Variants in TIGD1 observed in about 807,000 individuals in gnomAD.
TIGD1 encodes tigger transposable element derived 1, also known as tigger transposable element-derived protein 1.
A neutral mutation model predicts 21.3 loss-of-function variants in TIGD1; 20 were observed. The ratio of observed to expected loss-of-function variants is 0.94; its 90% CI spans 0.66 to 1.36. The LOEUF is 1.36. Ranked by LOEUF, TIGD1 falls within the 40% of genes most tolerant of loss-of-function variation. TIGD1 has a pLI of 0.00. For missense variants in TIGD1, 556 were observed against 350.5 expected (o/e 1.59, Z -4.68); for synonymous variants, 177 against 123.2 (o/e 1.44, Z -2.89).
rs1436519407 is a variant in TIGD1, at chr2:232,545,435, C to T, written c.*2672G>A. 3 of 1,027,568 alleles carry T rather than the reference C, an allele frequency of 2.9e-6. No homozygotes were observed. The African/African-American group carries it at 4.7e-5, about 16-fold the overall frequency. 63.7% of individuals were successfully genotyped at this position (1,027,568 alleles called of 1,614,324 possible). A position where few individuals can be genotyped will look rare whatever the true frequency, so the allele number is the denominator to read the frequency against. ...GGGACCCGGACATAGGTAAGAAGGG[C>T]CCCAGGAAATGGAGACATGGGCCTG... On this transcript the variant is annotated 3_prime_UTR_variant, in exon 1 of 1. Transcript: ENST00000408957.
At position 232,550,454 on chromosome 2, in the gene TIGD1, G is replaced by A. The variant is rs1174728797; in HGVS notation, c.-572C>T. On this transcript the variant is annotated 5_prime_UTR_variant, in exon 1 of 1. Coordinates refer to ENST00000408957, the MANE Select transcript of TIGD1 (RefSeq NM_145702.4). ...CTTTTTTCCGAGCCGCTGCGGGAGG[G>A]GGCCAGGACACGCTCCCTTAGGAGA... 2.0e-6 allele frequency: 1 copy of A among 499,710 alleles called. No homozygotes were observed. Among genetic ancestry groups the A allele is most frequent in the Non-Finnish European group, 3.6e-6 (1 of 277,066 alleles). The allele number at this position is 499,710 out of a possible 1,614,324, so 31.0% of individuals were successfully genotyped here. A position where few individuals can be genotyped will look rare whatever the true frequency, so the allele number is the denominator to read the frequency against.
In TIGD1 at chr2:232,544,459, T is replaced by C. The variant is rs143840391; in HGVS notation, c.*3648A>G. On this transcript the variant is annotated 3_prime_UTR_variant, in exon 1 of 1. Transcript: ENST00000408957. The stretch of plus-strand genomic sequence containing the variant: ...AGGACACCCAGTCCCGGCTACAGAA[T>C]GGCTCCTCGGGATGGTCGATCACAA... 9.5e-5 allele frequency: 153 copies of C among 1,613,626 alleles called. No homozygotes were observed. The highest frequency in any genetic ancestry group is 1.7e-4 in the Admixed American group (10 of 60,006).
At position 232,546,308 on chromosome 2, in the gene TIGD1, C is replaced by CTTTT. The variant is rs57021172; in HGVS notation, c.*1795_*1798dup. On this transcript the variant is annotated 3_prime_UTR_variant, in exon 1 of 1. Transcript: ENST00000408957. The stretch of plus-strand genomic sequence containing the variant: ...ACGATTTCCTGAGTTTTGTAATCCT[C>CTTTT]TTTTTTTTTTTTTTTTTTTTAGTTT... 4,277 of 94,444 alleles carry CTTTT rather than the reference C, an allele frequency of 0.045. 174 individuals are homozygous for CTTTT. The highest frequency in any genetic ancestry group is 0.12 in the African/African-American group (3,233 of 25,874). The allele number at this position is 94,444 out of a possible 1,614,324, so 5.9% of individuals were successfully genotyped here.
rs1423955802 is a variant in TIGD1, at chr2:232,544,602, T to G, written c.*3505A>C. On this transcript the variant is annotated 3_prime_UTR_variant, in exon 1 of 1. Coordinates refer to ENST00000408957, the MANE Select transcript of TIGD1 (RefSeq NM_145702.4). ...CTAGGTGAGACACACCAGGTGTGCCTGGGGACAGTCCTCCCCTGGGACCCC... is the reference window on the plus strand; with the variant it reads ...CTAGGTGAGACACACCAGGTGTGCCGGGGGACAGTCCTCCCCTGGGACCCC... 1 of 1,600,320 alleles carries G rather than the reference T, an allele frequency of 6.2e-7. No homozygotes were observed. The highest frequency in any genetic ancestry group is 8.6e-7 in the Non-Finnish European group (1 of 1,168,724).
chr2:232,544,583 G>A lies in TIGD1; in HGVS notation c.*3524C>T. 1 of 1,611,376 alleles carries A rather than the reference G, an allele frequency of 6.2e-7. No individual in the cohort carries two copies. The highest frequency in any genetic ancestry group is 8.5e-7 in the Non-Finnish European group (1 of 1,178,372). On this transcript the variant is annotated 3_prime_UTR_variant, in exon 1 of 1. Transcript: ENST00000408957. ...GGCGGCAGCGCTGGAGAAGCTAGGT[G>A]AGACACACCAGGTGTGCCTGGGGAC...
chr2:232,549,999 A>C lies in TIGD1; in HGVS notation c.-117T>G. The C allele has an allele frequency of 1.7e-6, 1 of 576,490 alleles. No homozygotes were observed. The allele number at this position is 576,490 out of a possible 1,614,324, so 35.7% of individuals were successfully genotyped here. On this transcript the variant is annotated 5_prime_UTR_variant, in exon 1 of 1. Coordinates refer to ENST00000408957, the MANE Select transcript of TIGD1 (RefSeq NM_145702.4). ...TGGGTGGAGCGGTCAGAACACACAC[A>C]ACATTAAGTTCCACGTCTTATAAAA...
rs1345147414 is a variant in TIGD1 at position 232,545,814 on chromosome 2, T to C, written c.*2293A>G. The C allele has an allele frequency of 3.7e-6, 5 of 1,365,526 alleles. No homozygotes were observed. The highest frequency in any genetic ancestry group is 2.1e-6 in the Non-Finnish European group (2 of 963,402). The allele number at this position is 1,365,526 out of a possible 1,614,324, so 84.6% of individuals were successfully genotyped here. ...CTACTGAGGTCCTAAGTGTGCTCTT[T>C]GGGAAGTGCCCTTCAGGACTGTGTG... is the stretch of plus-strand genomic sequence containing the variant. On this transcript the variant is annotated 3_prime_UTR_variant, in exon 1 of 1. Coordinates refer to ENST00000408957, the MANE Select transcript of TIGD1 (RefSeq NM_145702.4).
In TIGD1 at chr2:232,545,460, G is replaced by A; in HGVS notation, c.*2647C>T. 1 of 1,270,508 alleles carries A rather than the reference G, an allele frequency of 7.9e-7. No homozygotes were observed. The allele number at this position is 1,270,508 out of a possible 1,614,324, so 78.7% of individuals were successfully genotyped here. ...CCCCAGGAAATGGAGACATGGGCCT[G>A]CTGGAAGCCCAAGGATGAGAACAGG... On this transcript the variant is annotated 3_prime_UTR_variant, in exon 1 of 1. Transcript: ENST00000408957.
At position 232,545,229 on chromosome 2, in the gene TIGD1, C is replaced by A. The variant is rs1022079147; in HGVS notation, c.*2878G>T. Among the ~76,000 whole-genome samples the A allele has an allele frequency of 7.2e-5, 11 of 151,900 alleles. No individual in the cohort carries two copies. The highest frequency in any genetic ancestry group is 1.3e-4 in the Non-Finnish European group (9 of 67,964). On this transcript the variant is annotated 3_prime_UTR_variant, in exon 1 of 1. Coordinates refer to ENST00000408957, the MANE Select transcript of TIGD1 (RefSeq NM_145702.4). ...GGCTGAGGCAGGAGAATTGCTTGAA[C>A]CTGGGAGGCGGAGGTTGCAGTGAGC...
chr2:232,548,531 T>C lies in TIGD1; in HGVS notation c.1352A>G (p.His451Arg), dbSNP rs1347956527. The C allele has an allele frequency of 3.1e-6, 2 of 645,766 alleles. No individual in the cohort carries two copies. Among genetic ancestry groups the C allele is most frequent in the Non-Finnish European group, 5.6e-6 (2 of 358,400 alleles). The allele number at this position is 645,766 out of a possible 1,614,324, so 40.0% of individuals were successfully genotyped here. The change falls in exon 1 of 1, where the codon CAT becomes CGT. Residue 451 changes from histidine to arginine, a missense_variant. Transcript: ENST00000408957. ...CTCCTCATCTGTTAAAGTTTTATCA[T>C]GAGATTGCAGCAATTCAGTTACATC... ...PEDVTELLQS[H>R]DKTLTDEELF...
Position 232,545,559 on chromosome 2 carries a change from T to C in TIGD1, c.*2548A>G. The C allele has an allele frequency of 6.2e-7, 1 of 1,613,892 alleles. No individual in the cohort carries two copies. Among genetic ancestry groups the C allele is most frequent in the African/African-American group, 1.3e-5 (1 of 75,044 alleles). ...CACCCTCAGGGGAATGAGGAGTGGT[T>C]CCTGGTGGGCCGAGTGCTGGACCGC... On this transcript the variant is annotated 3_prime_UTR_variant, in exon 1 of 1. Coordinates refer to ENST00000408957, the MANE Select transcript of TIGD1 (RefSeq NM_145702.4).
In TIGD1 at chr2:232,546,137, G is replaced by A. The variant is rs1199460442; in HGVS notation, c.*1970C>T. 5 of 319,402 alleles carry A rather than the reference G, an allele frequency of 1.6e-5. No homozygotes were observed. The highest frequency in any genetic ancestry group is 2.5e-5 in the Non-Finnish European group (4 of 162,528). 19.8% of individuals were successfully genotyped at this position (319,402 alleles called of 1,614,324 possible). On this transcript the variant is annotated 3_prime_UTR_variant, in exon 1 of 1. Coordinates refer to ENST00000408957, the MANE Select transcript of TIGD1 (RefSeq NM_145702.4). The stretch of plus-strand genomic sequence containing the variant: ...GCAGTCACAAGAGGTGTGAAGAGTA[G>A]CAGCCGATGCTCTCTCCAAAGCAGG...
rs1692108629 is a variant in TIGD1 at position 232,545,422 on chromosome 2, T to C, written c.*2685A>G. 4 of 914,268 alleles carry C rather than the reference T, an allele frequency of 4.4e-6. No individual in the cohort carries two copies. The highest frequency in any genetic ancestry group is 1.4e-5 in the South Asian group (1 of 70,986). The allele number at this position is 914,268 out of a possible 1,614,324, so 56.6% of individuals were successfully genotyped here. A position where few individuals can be genotyped will look rare whatever the true frequency, so the allele number is the denominator to read the frequency against. On this transcript the variant is annotated 3_prime_UTR_variant, in exon 1 of 1. Transcript: ENST00000408957. ...TTAGCCACCAGTTGGGACCCGGACA[T>C]AGGTAAGAAGGGCCCCAGGAAATGG...
rs1692157764 is a variant in TIGD1, at chr2:232,547,806, G to A, written c.*301C>T. 6.6e-6 allele frequency among the ~76,000 whole-genome samples: 1 copy of A among 152,168 alleles called. No homozygotes were observed. Among genetic ancestry groups the A allele is most frequent in the Admixed American group, 6.5e-5 (1 of 15,278 alleles). ...GAAAGCCTCAGAGGGCAGAGGATTAGCTCCTTGTACACAATAAACACTCAA... is the reference window on the plus strand; with the variant it reads ...GAAAGCCTCAGAGGGCAGAGGATTAACTCCTTGTACACAATAAACACTCAA... On this transcript the variant is annotated 3_prime_UTR_variant, in exon 1 of 1. Coordinates refer to ENST00000408957, the MANE Select transcript of TIGD1 (RefSeq NM_145702.4).
In TIGD1 at chr2:232,549,998, CAACATT is replaced by C; in HGVS notation, c.-122_-117del. On this transcript the variant is annotated 5_prime_UTR_variant, in exon 1 of 1. The change abolishes an upstream ATG in the 5' untranslated region. Transcript: ENST00000408957. ...GTGGGTGGAGCGGTCAGAACACACA[CAACATT>C]AAGTTCCACGTCTTATAAAAGACGC... is the stretch of plus-strand genomic sequence containing the variant. 1.7e-6 allele frequency: 1 copy of C among 588,408 alleles called. No homozygotes were observed. Among genetic ancestry groups the C allele is most frequent in the Non-Finnish European group, 3.0e-6 (1 of 334,810 alleles). 36.4% of individuals were successfully genotyped at this position (588,408 alleles called of 1,614,324 possible). A position where few individuals can be genotyped will look rare whatever the true frequency, so the allele number is the denominator to read the frequency against.
In TIGD1 at chr2:232,550,198, A is replaced by G. The variant is rs1692251895; in HGVS notation, c.-316T>C. The stretch of plus-strand genomic sequence containing the variant: ...ATGCTGTTGGAAAAATGGCGCTGAT[A>G]CAATTGCTGGACTCAGGGCTGCCAC... On this transcript the variant is annotated 5_prime_UTR_variant, in exon 1 of 1. Transcript: ENST00000408957. The G allele has an allele frequency of 3.2e-6, 1 of 314,348 alleles. No homozygotes were observed. Among genetic ancestry groups the G allele is most frequent in the Non-Finnish European group, 6.1e-6 (1 of 163,686 alleles). 19.5% of individuals were successfully genotyped at this position (314,348 alleles called of 1,614,324 possible). A position where few individuals can be genotyped will look rare whatever the true frequency, so the allele number is the denominator to read the frequency against.
rs943178112 is a variant in TIGD1, at chr2:232,550,449, G to A, written c.-567C>T. On this transcript the variant is annotated 5_prime_UTR_variant, in exon 1 of 1. Coordinates refer to ENST00000408957, the MANE Select transcript of TIGD1 (RefSeq NM_145702.4). The stretch of plus-strand genomic sequence containing the variant: ...GCTGCCTTTTTTCCGAGCCGCTGCG[G>A]GAGGGGGCCAGGACACGCTCCCTTA... 22 of 496,420 alleles carry A rather than the reference G, an allele frequency of 4.4e-5. No homozygotes were observed. The highest frequency in any genetic ancestry group is 4.1e-4 in the African/African-American group (20 of 48,946). 30.8% of individuals were successfully genotyped at this position (496,420 alleles called of 1,614,324 possible).
Position 232,548,692 on chromosome 2 carries a change from T to C in TIGD1, c.1191A>G (p.Ser397=), listed in dbSNP as rs1173631995. 2.1e-6 allele frequency: 1 copy of C among 485,000 alleles called. No homozygotes were observed. Among genetic ancestry groups the C allele is most frequent in the Non-Finnish European group, 3.9e-6 (1 of 253,440 alleles). The allele number at this position is 485,000 out of a possible 1,614,324, so 30.0% of individuals were successfully genotyped here. A position where few individuals can be genotyped will look rare whatever the true frequency, so the allele number is the denominator to read the frequency against. ...IRDSWEEVKL[S]TLTGVWKKLI... is the part of the protein sequence containing the mutation. ...ACTTCTTCCAAACTCCTGTTAATGT[T>C]GACAATTTGACCTCCTCCCATGAAT... Residue 397 remains serine (S), a synonymous_variant, in exon 1 of 1, where the codon TCA becomes TCG. Transcript: ENST00000408957.
In TIGD1 at chr2:232,549,756, G is replaced by A. The variant is rs772584154; in HGVS notation, c.127C>T (p.Leu43=). The A allele has an allele frequency of 3.6e-6, 5 of 1,403,088 alleles. No homozygotes were observed. Among genetic ancestry groups the A allele is most frequent in the Non-Finnish European group, 4.9e-6 (5 of 1,011,762 alleles). 86.9% of individuals were successfully genotyped at this position (1,403,088 alleles called of 1,614,324 possible). The change falls in exon 1 of 1, where the codon CTG becomes TTG. Residue 43 remains leucine, a synonymous_variant. Transcript: ENST00000408957. ...ACAACTTGGCTAACTGTTTGCCGCA[G>A]GAGGCCTAGCCTTCGGCCTATCTCG... ...KAEIGRRLGL[L]RQTVSQVVNA...
Sources: gnomAD v4.1 joint callset for allele counts (sites outside exome capture counted in the v4.1 genomes callset) on GRCh38, gnomAD v4.1.1 for gene constraint, MANE v1.5 for transcripts, NCBI Gene and HGNC (gene_info 2026-07-23, HGNC 2026-07-21) for gene names.